TANC2: variants seen among roughly 807,000 people sequenced by gnomAD.
The protein encoded by TANC2 is protein TANC2.
A neutral mutation model predicts 210.5 loss-of-function variants in TANC2; 26 were observed. The ratio of observed to expected loss-of-function variants is 0.12; its 90% CI spans 0.09 to 0.17. TANC2 has a LOEUF of 0.17. TANC2 is among the 10% of genes least tolerant of loss of function. TANC2 has a pLI of 1.00. For synonymous variants in TANC2, 931 were observed against 967.1 expected, an observed-to-expected ratio of 0.96 and a Z score of 0.69; for missense variants, 2,129 against 2,608.9, an observed-to-expected ratio of 0.82 and a Z score of 4.01.
At chr17:63,082,747 A>ACT (rs2036825352) in intron 3 of TANC2, among the ~76,000 whole-genome samples, 2 of 152,248 alleles carry the variant, frequency 1.3e-5, no homozygotes, top group Admixed American at 1.3e-4. Context: ...GTCCATGTAT[A>ACT]AACTCCATCC....
At chr17:63,339,540 C>G (rs1209805624) in intron 11 of TANC2, among the ~76,000 whole-genome samples, 1 of 152,156 alleles carries the variant, frequency 6.6e-6, no homozygotes, top group Non-Finnish European at 1.5e-5. Context: ...TTCTGATACT[C>G]TTTTTCTGTC....
intron 9 of TANC2, among the ~76,000 whole-genome samples, chr17:63,293,640 T>C (rs1160774108): frequency 1.3e-5 from 2 of 152,160 alleles, no homozygotes; most frequent in African/African-American, 2.4e-5. Flanking sequence ...TGCAGCTGTT[T>C]ATATTTGCAT....
At chr17:63,085,776 A>G (rs375219420) in intron 3 of TANC2, among the ~76,000 whole-genome samples, 1 of 152,176 alleles carries the variant, frequency 6.6e-6, no homozygotes, top group Non-Finnish European at 1.5e-5. Context: ...TATTATTTTG[A>G]ACAACTTATG....
At chr17:63,069,572 T>G (rs1039191782) in intron 2 of TANC2, among the ~76,000 whole-genome samples, 1 of 152,230 alleles carries the variant, frequency 6.6e-6, no homozygotes, top group African/African-American at 2.4e-5. Context: ...ATGACAGATA[T>G]GGAACTAAAA....
chr17:62,983,051 G>T (rs570040993), intron 1 of TANC2, among the ~76,000 whole-genome samples: 1 of 151,930 alleles, frequency 6.6e-6, no homozygotes, highest in Admixed American at 6.6e-5. Flanking sequence ...GATTGTTTGG[G>T]GTAATCATTT....
At chr17:62,973,936 T>C (rs1180369053) in intron 1 of TANC2, among the ~76,000 whole-genome samples, 1 of 152,240 alleles carries the variant, frequency 6.6e-6, no homozygotes, top group Non-Finnish European at 1.5e-5. Flanking sequence ...TATTCACTTA[T>C]TTACATATTG....
chr17:63,019,492 A>G (rs772475554), intron 2 of TANC2, among the ~76,000 whole-genome samples: 23 of 152,182 alleles, frequency 1.5e-4, no homozygotes, highest in Non-Finnish European at 2.8e-4. Flanking sequence ...TGCTGGGATT[A>G]CAGGTGTGAG....
At chr17:63,209,801 C>A (rs1216969381) in intron 7 of TANC2, among the ~76,000 whole-genome samples, 1 of 152,170 alleles carries the variant, frequency 6.6e-6, no homozygotes, top group African/African-American at 2.4e-5. Flanking sequence ...ACATCATTAT[C>A]AGGTTTTTAA....
In TANC2 at chr17:63,003,780, T is replaced by C. The variant is rs191670893; in HGVS notation, c.-23-5757T>C. ...TTCTTTAATGTTATCTTAGCAGATGTTTTTAAATTTTTAATAACCTCCAAA... is the reference window on the plus strand; with the variant it reads ...TTCTTTAATGTTATCTTAGCAGATGCTTTTAAATTTTTAATAACCTCCAAA... On this transcript the variant is annotated intron_variant, in intron 1 of 27. Transcript: ENST00000689528. Among the ~76,000 whole-genome samples the C allele has an allele frequency of 4.8e-3, 735 of 152,338 alleles. 3 individuals carry two copies. Among genetic ancestry groups the C allele is most frequent in the Non-Finnish European group, 6.7e-3 (455 of 68,034 alleles).
chr17:63,250,533 A>ATG (rs1380868855), intron 8 of TANC2, among the ~76,000 whole-genome samples: 1 of 152,106 alleles, frequency 6.6e-6, no homozygotes, highest in African/African-American at 2.4e-5. Context: ...TGAGATGATG[A>ATG]TGTACAAGGC....
intron 9 of TANC2, among the ~76,000 whole-genome samples, chr17:63,290,283 A>G (rs576717630): frequency 1.3e-5 from 2 of 152,230 alleles, no homozygotes; most frequent in South Asian, 2.1e-4. Context: ...ACTTGTCCAC[A>G]TGGAGCCTCC....
chr17:63,111,903 T>G (rs1311862380), intron 4 of TANC2, among the ~76,000 whole-genome samples: 2 of 152,074 alleles, frequency 1.3e-5, no homozygotes, highest in East Asian at 3.9e-4. Flanking sequence ...TTTTTGTATT[T>G]TTAGTAGAGA....
At chr17:63,041,820 G>A (rs1044438851) in intron 2 of TANC2, among the ~76,000 whole-genome samples, 1 of 152,258 alleles carries the variant, frequency 6.6e-6, no homozygotes, top group African/African-American at 2.4e-5. Context: ...GCTCTGAAGA[G>A]CAGGACACTC....
intron 7 of TANC2, among the ~76,000 whole-genome samples, chr17:63,228,333 C>A (rs2042381547): frequency 6.6e-6 from 1 of 152,118 alleles, no homozygotes; most frequent in African/African-American, 2.4e-5. Context: ...GTTACTGTAG[C>A]CGTCTACTAT....
At chr17:63,042,239 T>C (rs1320332255) in intron 2 of TANC2, among the ~76,000 whole-genome samples, 1 of 152,116 alleles carries the variant, frequency 6.6e-6, no homozygotes, top group East Asian at 1.9e-4. Context: ...GGAAAGTTAC[T>C]GTGAGCAGGA....
chr17:63,035,879 T>C (rs1013207232), intron 2 of TANC2, among the ~76,000 whole-genome samples: 7 of 152,190 alleles, frequency 4.6e-5, no homozygotes, highest in African/African-American at 1.7e-4. Flanking sequence ...ATATTGTCAA[T>C]TGTAAAAAAT....
Position 63,223,588 on chromosome 17 carries a change from A to G in TANC2, c.770-14226A>G, listed in dbSNP as rs80215742. ...CTCTTAATTATTTTATATATAGTGT[A>G]TATATATATATATATTTAAGGGACA... On this transcript the variant is annotated intron_variant, in intron 7 of 27. Transcript: ENST00000689528. Among the ~76,000 whole-genome samples the G allele has an allele frequency of 1.2e-3, 36 of 29,882 alleles. No homozygotes were observed. The African/African-American group carries it at 0.014, about 12-fold the overall frequency. 19.6% of individuals were successfully genotyped at this position (29,882 alleles called of 152,430 possible). A position where few individuals can be genotyped will look rare whatever the true frequency, so the allele number is the denominator to read the frequency against.
exon 28 of TANC2, chr17:63,423,243 A>C (rs1399807426): frequency 6.6e-6 from 1 of 152,206 alleles, no homozygotes; most frequent in Non-Finnish European, 1.5e-5. Context: ...AGGGTGAAGA[A>C]AGACCCCTTT....
At position 63,389,486 on chromosome 17, in the gene TANC2, A is replaced by G. The variant is rs1488255497; in HGVS notation, c.2993A>G (p.Tyr998Cys). The G allele has an allele frequency of 6.2e-7, 1 of 1,613,612 alleles. No individual in the cohort carries two copies. Among genetic ancestry groups the G allele is most frequent in the South Asian group, 1.1e-5 (1 of 91,016 alleles). ...GAAAGTGGCCTGACTCCCCTGGGAT[A>G]TGCTGCAGCAGCAGGGTACCTGAGC... Residue 998 changes from tyrosine to cysteine, a missense_variant, in exon 17 of 28, where the codon TAT becomes TGT. Transcript: ENST00000689528.
Sources: gnomAD v4.1 joint callset for allele counts (sites outside exome capture counted in the v4.1 genomes callset) on GRCh38, gnomAD v4.1.1 for gene constraint, MANE v1.5 for transcripts, NCBI Gene and HGNC (gene_info 2026-07-23, HGNC 2026-07-21) for gene names.